SLC35D4: variants seen among roughly 807,000 people sequenced by gnomAD.
SLC35D4 encodes the protein UDP-N-acetylglucosamine transporter SLC35D4.
the SLC35D4 span, among the ~76,000 whole-genome samples, chr18:23,243,655 C>T: frequency 4.6e-5 from 7 of 151,636 alleles, no homozygotes; most frequent in Admixed American, 2.0e-4. Flanking sequence ...GGTGGATCAC[C>T]TGAGGTCAGG....
chr18:23,252,375 A>T, the SLC35D4 span, among the ~76,000 whole-genome samples: 1 of 152,196 alleles, frequency 6.6e-6, no homozygotes, highest in Non-Finnish European at 1.5e-5. Context: ...ATTGTATGTG[A>T]TGTGTATTTT....
the SLC35D4 span, among the ~76,000 whole-genome samples, chr18:23,337,733 A>G: frequency 1.3e-5 from 2 of 152,198 alleles, no homozygotes; most frequent in South Asian, 2.1e-4. Flanking sequence ...TCTTAGTTCA[A>G]TATTGTGGCA....
At chr18:23,281,695 G>A in the SLC35D4 span, among the ~76,000 whole-genome samples, 2 of 152,122 alleles carry the variant, frequency 1.3e-5, no homozygotes, top group South Asian at 2.1e-4. Context: ...AACAGGGAGC[G>A]TGTGTTTGCT....
chr18:23,283,726 T>G, the SLC35D4 span, among the ~76,000 whole-genome samples: 1 of 151,644 alleles, frequency 6.6e-6, no homozygotes, highest in Non-Finnish European at 1.5e-5. Flanking sequence ...GGAGAATCAC[T>G]TGAGCCTGGG....
chr18:23,381,611 A>G, the SLC35D4 span, among the ~76,000 whole-genome samples: 28 of 152,296 alleles, frequency 1.8e-4, no homozygotes, highest in Non-Finnish European at 2.4e-4. Context: ...TTACCCACTC[A>G]CTTTTTTTCT....
the SLC35D4 span, among the ~76,000 whole-genome samples, chr18:23,339,177 C>T: frequency 6.6e-6 from 1 of 152,222 alleles, no homozygotes; most frequent in South Asian, 2.1e-4. Context: ...AGGCATGAGC[C>T]ACCACACCTA....
chr18:23,285,205 C>A, the SLC35D4 span, among the ~76,000 whole-genome samples: 1,101 of 152,116 alleles, frequency 7.2e-3, 14 homozygotes, highest in African/African-American at 0.025. Context: ...CATGCCCCGA[C>A]CCCTGTCCTG....
At chr18:23,370,628 A>T in the SLC35D4 span, among the ~76,000 whole-genome samples, 1 of 152,206 alleles carries the variant, frequency 6.6e-6, no homozygotes, top group Non-Finnish European at 1.5e-5. Flanking sequence ...AGCTGTGTTA[A>T]TAGTCAGGGC....
the SLC35D4 span, among the ~76,000 whole-genome samples, chr18:23,363,598 TCTC>T: frequency 6.6e-6 from 1 of 151,878 alleles, no homozygotes; most frequent in Non-Finnish European, 1.5e-5. Flanking sequence ...ATGGTCTCGA[TCTC>T]CTGACCTCGT....
the SLC35D4 span, among the ~76,000 whole-genome samples, chr18:23,348,674 C>T: frequency 6.6e-6 from 1 of 152,164 alleles, no homozygotes; most frequent in Admixed American, 6.5e-5. Context: ...CTTATGGTAA[C>T]TGTCTGTGTG....
At chr18:23,316,710 A>G in the SLC35D4 span, among the ~76,000 whole-genome samples, 4 of 152,258 alleles carry the variant, frequency 2.6e-5, no homozygotes, top group Non-Finnish European at 5.9e-5. Context: ...TTAAACCTAG[A>G]GAAATCTTAG....
chr18:23,244,173 G>C, the SLC35D4 span, among the ~76,000 whole-genome samples: 1 of 152,130 alleles, frequency 6.6e-6, no homozygotes, highest in African/African-American at 2.4e-5. Context: ...GTGATCTCAG[G>C]GCCAGTCACC....
chr18:23,308,226 C>A, the SLC35D4 span, among the ~76,000 whole-genome samples: 2 of 152,150 alleles, frequency 1.3e-5, no homozygotes, highest in Non-Finnish European at 2.9e-5. Flanking sequence ...GGCATCCGGG[C>A]CGAAGTGACA....
chr18:23,252,074 A>G, the SLC35D4 span, among the ~76,000 whole-genome samples: 1 of 151,272 alleles, frequency 6.6e-6, no homozygotes, highest in Admixed American at 6.6e-5. Flanking sequence ...CAACAAAGTG[A>G]GACTCCGTCT....
chr18:23,303,050 C>T, the SLC35D4 span, among the ~76,000 whole-genome samples: 1 of 152,228 alleles, frequency 6.6e-6, no homozygotes, highest in Non-Finnish European at 1.5e-5. Flanking sequence ...CAGCCTCTGC[C>T]CTTTGTGACT....
the SLC35D4 span, among the ~76,000 whole-genome samples, chr18:23,370,564 C>G: frequency 1.3e-5 from 2 of 152,174 alleles, no homozygotes; most frequent in Non-Finnish European, 2.9e-5. Context: ...GTTTTACTTC[C>G]TTGACATGAC....
the SLC35D4 span, among the ~76,000 whole-genome samples, chr18:23,399,325 T>C: frequency 1.3e-5 from 2 of 152,228 alleles, no homozygotes; most frequent in Non-Finnish European, 2.9e-5. Context: ...GGCCCGTCTC[T>C]GGCCAGCTCC....
At chr18:23,319,942 AAGATAAATTT>A in the SLC35D4 span, among the ~76,000 whole-genome samples, 2 of 152,186 alleles carry the variant, frequency 1.3e-5, no homozygotes, top group Non-Finnish European at 2.9e-5. Context: ...TTGGTTTTCA[AAGATAAATTT>A]GATAGTTTGA....
the SLC35D4 span, chr18:23,257,787 A>G: frequency 6.2e-6 from 1 of 160,470 alleles, no homozygotes. Flanking sequence ...AAAACTTTTA[A>G]AAGATACCCT....
Sources: gnomAD v4.1 joint callset for allele counts (sites outside exome capture counted in the v4.1 genomes callset) on GRCh38, gnomAD v4.1.1 for gene constraint, MANE v1.5 for transcripts, NCBI Gene and HGNC (gene_info 2026-07-23, HGNC 2026-07-21) for gene names.